Variants in ELOVL7 observed in about 807,000 individuals in gnomAD.
The protein encoded by ELOVL7 is ELOVL fatty acid elongase 7.
Under a neutral mutation model 35.7 loss-of-function variants are expected in ELOVL7, and 27 were observed. That is an observed-to-expected ratio of 0.76 (90% CI 0.56 to 1.04). The LOEUF (loss-of-function observed/expected upper bound fraction) is 1.04, where lower values mean the gene tolerates loss of function less well. Ranked by LOEUF, ELOVL7 falls within the 50% of genes least tolerant of loss-of-function variation. ELOVL7 has a pLI of 0.00. For missense variants in ELOVL7, 327 were observed against 340.8 expected (o/e 0.96, Z 0.32); for synonymous variants, 113 against 114.6 (o/e 0.99, Z 0.09).
At chr5:60,770,458 T>C (rs946764936) in intron 4 of ELOVL7, among the ~76,000 whole-genome samples, 1 of 152,096 alleles carries the variant, frequency 6.6e-6, no homozygotes, top group African/African-American at 2.4e-5. Context: ...CAGAACTAAC[T>C]AGTTCCTAAT....
At chr5:60,829,438 A>T (rs1476546745) in intron 1 of ELOVL7, among the ~76,000 whole-genome samples, 2 of 152,194 alleles carry the variant, frequency 1.3e-5, no homozygotes, top group African/African-American at 4.8e-5. Flanking sequence ...TAGTCAAAAA[A>T]TGAGTGAATT....
At chr5:60,760,772 G>A (rs111572929) in intron 7 of ELOVL7, among the ~76,000 whole-genome samples, 1 of 152,140 alleles carries the variant, frequency 6.6e-6, no homozygotes, top group Admixed American at 6.5e-5. Flanking sequence ...CATGGTTTTA[G>A]ATCTAATGTT....
chr5:60,826,907 G>A (rs1247965348), intron 1 of ELOVL7, among the ~76,000 whole-genome samples: 1 of 152,066 alleles, frequency 6.6e-6, no homozygotes, highest in African/African-American at 2.4e-5. Flanking sequence ...TGGCCTCTGG[G>A]TTAGCAGACT....
chr5:60,810,261 C>G (rs929277948), intron 1 of ELOVL7, among the ~76,000 whole-genome samples: 2 of 152,288 alleles, frequency 1.3e-5, no homozygotes, highest in East Asian at 1.9e-4. Context: ...GGCAGTACCC[C>G]TAGGATCCTC....
chr5:60,784,858 T>A (rs541713575), intron 3 of ELOVL7, among the ~76,000 whole-genome samples: 1 of 152,122 alleles, frequency 6.6e-6, no homozygotes, highest in Non-Finnish European at 1.5e-5. Context: ...GGGAAAAAAA[T>A]TATGTAAAGA....
At chr5:60,769,307 C>T (rs533480678) in intron 4 of ELOVL7, among the ~76,000 whole-genome samples, 62 of 152,260 alleles carry the variant, frequency 4.1e-4, no homozygotes, top group African/African-American at 1.4e-3. Flanking sequence ...ACTAATGTAA[C>T]GCTCTGTGGC....
chr5:60,798,550 TA>T (rs1016913270), intron 2 of ELOVL7, among the ~76,000 whole-genome samples: 2 of 152,052 alleles, frequency 1.3e-5, no homozygotes, highest in South Asian at 2.1e-4. Context: ...AATAAAGCTG[TA>T]AAAAAAATTA....
At chr5:60,797,513 C>G (rs902491562) in intron 2 of ELOVL7, among the ~76,000 whole-genome samples, 2 of 152,212 alleles carry the variant, frequency 1.3e-5, no homozygotes, top group Non-Finnish European at 2.9e-5. Context: ...GGTGCCCATG[C>G]CTCCTGGCAC....
intron 7 of ELOVL7, among the ~76,000 whole-genome samples, chr5:60,763,983 AAAC>A (rs1279983625): frequency 6.6e-6 from 1 of 152,188 alleles, no homozygotes; most frequent in Non-Finnish European, 1.5e-5. Flanking sequence ...AATACAAACA[AAAC>A]AACTAAAGAA....
At chr5:60,840,758 C>T (rs958888423) in intron 1 of ELOVL7, among the ~76,000 whole-genome samples, 1 of 152,106 alleles carries the variant, frequency 6.6e-6, no homozygotes, top group Non-Finnish European at 1.5e-5. Flanking sequence ...TACTTGCTGA[C>T]GAAGTAATTC....
At chr5:60,812,865 T>G (rs183211536) in intron 1 of ELOVL7, among the ~76,000 whole-genome samples, 46 of 152,330 alleles carry the variant, frequency 3.0e-4, no homozygotes, top group African/African-American at 5.8e-4. Context: ...ATTCAGCTCT[T>G]GCTTGTTTTG....
chr5:60,826,224 C>A (rs746662752), intron 1 of ELOVL7, among the ~76,000 whole-genome samples: 28 of 152,120 alleles, frequency 1.8e-4, no homozygotes, highest in Non-Finnish European at 3.2e-4. Flanking sequence ...ATTAATTCAT[C>A]CTGTTTTGTA....
chr5:60,801,705 A>T (rs575943761), intron 1 of ELOVL7, among the ~76,000 whole-genome samples: 1 of 152,136 alleles, frequency 6.6e-6, no homozygotes, highest in East Asian at 1.9e-4. Context: ...CCTGTCTCAA[A>T]AAAAAAGAAA....
At chr5:60,800,895 A>G (rs1744569548) in intron 1 of ELOVL7, among the ~76,000 whole-genome samples, 1 of 152,166 alleles carries the variant, frequency 6.6e-6, no homozygotes, top group South Asian at 2.1e-4. Context: ...GTATTACACC[A>G]TTAAGCATTC....
intron 1 of ELOVL7, among the ~76,000 whole-genome samples, chr5:60,840,172 T>G (rs1044060405): frequency 6.6e-6 from 1 of 152,164 alleles, no homozygotes; most frequent in Admixed American, 6.5e-5. Context: ...CTATGGCAGG[T>G]TGAATTGTGT....
chr5:60,769,545 T>C (rs1478269912), intron 4 of ELOVL7, among the ~76,000 whole-genome samples: 1 of 152,200 alleles, frequency 6.6e-6, no homozygotes, highest in Non-Finnish European at 1.5e-5. Context: ...TCTTCAGATT[T>C]GGCCTAACAT....
intron 3 of ELOVL7, among the ~76,000 whole-genome samples, chr5:60,781,234 A>G (rs1188901656): frequency 2.6e-5 from 4 of 151,898 alleles, no homozygotes; most frequent in African/African-American, 9.7e-5. Flanking sequence ...AAAGGAAAGA[A>G]AAACAAAATA....
chr5:60,836,604 C>A (rs1053618280), intron 1 of ELOVL7, among the ~76,000 whole-genome samples: 6 of 152,070 alleles, frequency 3.9e-5, no homozygotes, highest in Non-Finnish European at 7.3e-5. Flanking sequence ...GGCAGAGAAG[C>A]CCCTGAACAG....
At position 60,839,070 on chromosome 5, in the gene ELOVL7, G is replaced by A. The variant is rs180934973; in HGVS notation, c.-86+5090C>T. On this transcript the variant is annotated intron_variant, in intron 1 of 8. Coordinates refer to ENST00000508821, the MANE Select transcript of ELOVL7 (RefSeq NM_024930.3). The stretch of plus-strand genomic sequence containing the variant: ...TATTTATGATGGGCCAGGCATGATG[G>A]CTCACGCCTGTAAGCCCAGCACTTT... 3.3e-5 allele frequency among the ~76,000 whole-genome samples: 5 copies of A among 151,492 alleles called. No homozygotes were observed. In the South Asian group the frequency reaches 6.3e-4, roughly 19 times the overall value.
Sources: allele counts gnomAD v4.1 joint callset (sites outside exome capture counted in the v4.1 genomes callset), GRCh38; gene constraint gnomAD v4.1.1; transcripts MANE v1.5; gene names NCBI Gene and HGNC (gene_info 2026-07-23, HGNC 2026-07-21).